Variants in HSCB observed in about 807,000 individuals in gnomAD.
HSCB encodes the protein HscB mitochondrial iron-sulfur cluster cochaperone, also known as iron-sulfur cluster co-chaperone protein HscB.
A neutral mutation model predicts 31.3 loss-of-function variants in HSCB; 23 were observed. The observed-to-expected ratio is 0.74, with a 90% CI of 0.53 to 1.04. HSCB has a LOEUF of 1.04. Among genes scored for constraint, HSCB ranks in the 50% least tolerant of loss-of-function variants. HSCB has a pLI of 0.00. For missense variants in HSCB, 297 were observed against 288.1 expected, an observed-to-expected ratio of 1.03 and a Z score of -0.22; for synonymous variants, 110 against 104.5, an observed-to-expected ratio of 1.05 and a Z score of -0.32.
intron 5 of HSCB, among the ~76,000 whole-genome samples, chr22:28,754,577 C>T (rs2030475440): frequency 6.6e-6 from 1 of 151,512 alleles, no homozygotes; most frequent in Non-Finnish European, 1.5e-5. Flanking sequence ...GTCTGAGGCA[C>T]AAGAATCACT....
chr22:28,751,588 AT>A (rs1221472984), intron 5 of HSCB, among the ~76,000 whole-genome samples: 3 of 152,146 alleles, frequency 2.0e-5, no homozygotes, highest in African/African-American at 7.2e-5. Flanking sequence ...TCTACTAAAA[AT>A]ACAAAATTAA....
chr22:28,757,176 A>C lies in HSCB; in HGVS notation c.*7A>C. The C allele has an allele frequency of 7.1e-7, 1 of 1,409,332 alleles. No homozygotes were observed. The highest frequency in any genetic ancestry group is 1.0e-6 in the Non-Finnish European group (1 of 995,696). The allele number at this position is 1,409,332 out of a possible 1,614,324, so 87.3% of individuals were successfully genotyped here. On this transcript the variant is annotated 3_prime_UTR_variant, in exon 6 of 6. Coordinates refer to ENST00000216027, the MANE Select transcript of HSCB (RefSeq NM_172002.5). Reference sequence around the variant, plus strand: ...AAAGAAGATTCCCCTTTAATTGTGGATAGTTTAAAGTTTAAAAAATAAAGT... The same window carrying C: ...AAAGAAGATTCCCCTTTAATTGTGGCTAGTTTAAAGTTTAAAAAATAAAGT...
rs776157236 is a variant in HSCB at position 28,757,220 on chromosome 22, C to T, written c.*51C>T. 1.6e-5 allele frequency: 15 copies of T among 955,042 alleles called. No homozygotes were observed. The South Asian group carries it at 2.0e-4, about 13-fold the overall frequency. 59.2% of individuals were successfully genotyped at this position (955,042 alleles called of 1,614,324 possible). On this transcript the variant is annotated 3_prime_UTR_variant, in exon 6 of 6. Transcript: ENST00000216027. ...ATAAAGTTCTTGCTGGGCACAGTGG[C>T]TCACACCTGTAATCCCAGCACTTTG...
intron 4 of HSCB, among the ~76,000 whole-genome samples, chr22:28,747,747 T>C (rs1034590230): frequency 6.6e-6 from 1 of 152,186 alleles, no homozygotes; most frequent in African/African-American, 2.4e-5. Flanking sequence ...GTAGTGTACC[T>C]ACAAATATCA....
intron 5 of HSCB, among the ~76,000 whole-genome samples, chr22:28,752,234 G>A (rs910746736): frequency 6.6e-6 from 1 of 152,084 alleles, no homozygotes; most frequent in African/African-American, 2.4e-5. Flanking sequence ...AAGAGATCAA[G>A]ACCATCCTGG....
rs760864264 is a variant in HSCB, at chr22:28,751,191, TTA to T, written c.569-48_569-47del. 4 of 1,109,762 alleles carry T rather than the reference TTA, an allele frequency of 3.6e-6. No individual in the cohort carries two copies. In the Admixed American group the frequency reaches 8.0e-5, roughly 22 times the overall value. The allele number at this position is 1,109,762 out of a possible 1,614,324, so 68.7% of individuals were successfully genotyped here. ...ACAAAGTTTAAGTATTGTCTTCATA[TTA>T]TGAGTCTATTTCAATGGAAAAATTA... On this transcript the variant is annotated intron_variant, in intron 4 of 5. Coordinates refer to ENST00000216027, the MANE Select transcript of HSCB (RefSeq NM_172002.5).
intron 4 of HSCB, among the ~76,000 whole-genome samples, chr22:28,747,934 C>T (rs2029944499): frequency 6.6e-6 from 1 of 152,112 alleles, no homozygotes; most frequent in African/African-American, 2.4e-5. Flanking sequence ...GCCTGTAATC[C>T]CAGCACTTTG....
intron 4 of HSCB, among the ~76,000 whole-genome samples, chr22:28,747,811 C>T (rs990978045): frequency 2.0e-5 from 3 of 152,324 alleles, no homozygotes; most frequent in African/African-American, 7.2e-5. Context: ...ACTGTGCCTT[C>T]TTGGAGTTTA....
At chr22:28,742,897 G>A (rs1198220447) in intron 1 of HSCB, among the ~76,000 whole-genome samples, 1 of 152,128 alleles carries the variant, frequency 6.6e-6, no homozygotes, top group Non-Finnish European at 1.5e-5. Context: ...CTGAGACTGA[G>A]GTTCTTGGAG....
chr22:28,756,627 C>T (rs191436272), intron 5 of HSCB, among the ~76,000 whole-genome samples: 2 of 151,940 alleles, frequency 1.3e-5, no homozygotes, highest in Non-Finnish European at 2.9e-5. Context: ...TGCCACCATG[C>T]CTGGCTAATT....
rs768277177 is a variant in HSCB, at chr22:28,745,877, G to A, written c.437G>A (p.Gly146Glu). The A allele has an allele frequency of 2.5e-6, 4 of 1,611,658 alleles. No individual in the cohort carries two copies. The highest frequency in any genetic ancestry group is 1.6e-4 in the Middle Eastern group (1 of 6,062). ...SRGLYLLKLHGIEIPERTDYE... is the reference protein window; with the variant it reads ...SRGLYLLKLHEIEIPERTDYE... ...CTACCCCAATAGCTAAAGCTCCATG[G>A]AATAGAGATTCCTGAAAGGACAGAT... Residue 146 changes from glycine to glutamate, a missense_variant, in exon 4 of 6, where the codon GGA (glycine) becomes GAA (glutamate). By Grantham distance (98) the Gly-to-Glu change is moderately conservative. Transcript: ENST00000216027.
intron 4 of HSCB, 24 bp downstream of exon 4, chr22:28,746,032 T>C (rs1270906573): frequency 1.9e-6 from 3 of 1,590,466 alleles, no homozygotes; most frequent in East Asian, 2.2e-5. Context: ...TAGCACTGAA[T>C]GTATTTCATT....
At chr22:28,753,025 G>A (rs1207399903) in intron 5 of HSCB, among the ~76,000 whole-genome samples, 2 of 151,900 alleles carry the variant, frequency 1.3e-5, no homozygotes, top group East Asian at 3.9e-4. Context: ...GTTGCAGTGA[G>A]CCGAGATCAC....
At chr22:28,746,554 A>T (rs911237614) in intron 4 of HSCB, among the ~76,000 whole-genome samples, 8 of 151,668 alleles carry the variant, frequency 5.3e-5, no homozygotes, top group Non-Finnish European at 7.4e-5. Context: ...GGAGTTCGAG[A>T]CCAGCCTGGG....
chr22:28,750,113 G>C (rs1392884909), intron 4 of HSCB, among the ~76,000 whole-genome samples: 1 of 151,764 alleles, frequency 6.6e-6, no homozygotes, highest in Non-Finnish European at 1.5e-5. Flanking sequence ...GCCGGGCATG[G>C]TGGCACACAC....
chr22:28,751,896 C>G (rs2030283565), intron 5 of HSCB, among the ~76,000 whole-genome samples: 1 of 151,812 alleles, frequency 6.6e-6, no homozygotes, highest in Non-Finnish European at 1.5e-5. Flanking sequence ...TTGAGACCAG[C>G]CTGGCCAACA....
At chr22:28,746,587 T>TA (rs533172307) in intron 4 of HSCB, among the ~76,000 whole-genome samples, 71 of 150,922 alleles carry the variant, frequency 4.7e-4, no homozygotes, top group African/African-American at 1.0e-3. Flanking sequence ...ACCCCATCTC[T>TA]AAAAAAATAC....
At chr22:28,745,091 A>G (rs2146208545) in intron 3 of HSCB, among the ~76,000 whole-genome samples, 1 of 151,308 alleles carries the variant, frequency 6.6e-6, no homozygotes, top group African/African-American at 2.4e-5. Flanking sequence ...ACCCAATAGT[A>G]TTTAGCCTCA....
intron 4 of HSCB, among the ~76,000 whole-genome samples, chr22:28,750,455 C>G (rs2030154498): frequency 6.6e-6 from 1 of 152,044 alleles, no homozygotes; most frequent in Non-Finnish European, 1.5e-5. Context: ...GGTTCCTAGT[C>G]TGTTGTTCTT....
Sources: gnomAD v4.1 joint callset for allele counts (sites outside exome capture counted in the v4.1 genomes callset) on GRCh38, gnomAD v4.1.1 for gene constraint, MANE v1.5 for transcripts, NCBI Gene and HGNC (gene_info 2026-07-23, HGNC 2026-07-21) for gene names.